SMARCC1: variants seen among roughly 807,000 people sequenced by gnomAD.
SMARCC1 encodes SWI/SNF related BAF chromatin remodeling complex subunit C1, also known as SWI/SNF complex subunit SMARCC1.
SMARCC1 carries 43 observed loss-of-function variants against 147.4 expected under a neutral mutation model. The ratio of observed to expected loss-of-function variants is 0.29; its 90% confidence interval spans 0.23 to 0.38. The LOEUF (loss-of-function observed/expected upper bound fraction) is 0.38, where lower values mean the gene tolerates loss of function less well. Among genes scored for constraint, SMARCC1 ranks in the 10% least tolerant of loss-of-function variants. The pLI is 1.00. For synonymous variants in SMARCC1, 495 were observed against 484.4 expected (o/e 1.02, Z -0.29); for missense variants, 1,119 against 1,381.1 (o/e 0.81, Z 3.01).
intron 2 of SMARCC1, among the ~76,000 whole-genome samples, chr3:47,768,848 TAA>T (rs2106871767): frequency 6.6e-6 from 1 of 152,122 alleles, no homozygotes; most frequent in African/African-American, 2.4e-5. Context: ...GAAGAGAAAA[TAA>T]AAGTTCTTCA....
chr3:47,740,071 T>C (rs1010798269), intron 3 of SMARCC1, among the ~76,000 whole-genome samples: 2 of 150,762 alleles, frequency 1.3e-5, no homozygotes, highest in African/African-American at 2.4e-5. Context: ...GGTTTCACCA[T>C]GTTGGCCAGG....
intron 5 of SMARCC1, among the ~76,000 whole-genome samples, chr3:47,733,912 T>C (rs540222510): frequency 4.0e-5 from 6 of 148,960 alleles, no homozygotes; most frequent in East Asian, 4.0e-4. Flanking sequence ...TATACACACA[T>C]ATGTGCTTGT....
rs915809318 is a variant in SMARCC1 at position 47,720,521 on chromosome 3, A to G, written c.716+145T>C. 1.3e-5 allele frequency: 8 copies of G among 626,234 alleles called. No homozygotes were observed. The African/African-American group carries it at 1.5e-4, about 12-fold the overall frequency. The allele number at this position is 626,234 out of a possible 1,614,324, so 38.8% of individuals were successfully genotyped here. On this transcript the variant is annotated intron_variant, in intron 7 of 27. Coordinates refer to ENST00000254480, the MANE Select transcript of SMARCC1 (RefSeq NM_003074.4). ...TAAATTTTGTACCTTAAATAAGAAAACAGTCAATAAAAGACTCCATAAGTG... is the reference window on the plus strand; with the variant it reads ...TAAATTTTGTACCTTAAATAAGAAAGCAGTCAATAAAAGACTCCATAAGTG...
At chr3:47,684,882 A>G (rs1038464549) in intron 14 of SMARCC1, among the ~76,000 whole-genome samples, 2 of 152,210 alleles carry the variant, frequency 1.3e-5, no homozygotes, top group African/African-American at 4.8e-5. Context: ...TACCTATGAC[A>G]AAGTTTAATT....
intron 21 of SMARCC1, among the ~76,000 whole-genome samples, chr3:47,645,999 G>C (rs572249175): frequency 7.2e-5 from 11 of 152,072 alleles, no homozygotes; most frequent in African/African-American, 1.9e-4. Context: ...GACCTGGCTC[G>C]GACTTTTAAG....
chr3:47,685,479 G>A (rs2033708771), intron 14 of SMARCC1, among the ~76,000 whole-genome samples: 1 of 151,314 alleles, frequency 6.6e-6, no homozygotes, highest in South Asian at 2.1e-4. Flanking sequence ...TTCTAAATGA[G>A]TTAGATTCAA....
chr3:47,719,074 G>A (rs112372248), intron 7 of SMARCC1, among the ~76,000 whole-genome samples: 3 of 151,862 alleles, frequency 2.0e-5, no homozygotes, highest in South Asian at 2.1e-4. Context: ...CACCATGCCC[G>A]GCCAATTTTT....
chr3:47,718,828 T>C (rs1013057654), intron 7 of SMARCC1, among the ~76,000 whole-genome samples: 1 of 152,096 alleles, frequency 6.6e-6, no homozygotes, highest in Non-Finnish European at 1.5e-5. Context: ...TGCTCTACTA[T>C]AGGTTTAGAA....
At chr3:47,757,568 A>G (rs1333043378) in intron 2 of SMARCC1, among the ~76,000 whole-genome samples, 2 of 152,062 alleles carry the variant, frequency 1.3e-5, no homozygotes, top group Non-Finnish European at 2.9e-5. Context: ...TGAGGTCAGG[A>G]GATCGAGACC....
Position 47,662,402 on chromosome 3 carries a change from C to T in SMARCC1, c.2090G>A (p.Ser697Asn). 1.2e-6 allele frequency: 2 copies of T among 1,614,142 alleles called. No individual in the cohort carries two copies. Among genetic ancestry groups the T allele is most frequent in the Non-Finnish European group, 1.7e-6 (2 of 1,180,014 alleles). ...PFSQSGNPVM[S>N]TVAFLASVVD... ...CACAGATGCCAAAAAAGCAACAGTA[C>T]TCATAACTGGATTTCCTGACTGACT... is the stretch of plus-strand genomic sequence containing the variant. The change falls in exon 20 of 28, where the codon AGT becomes AAT. Residue 697 changes from serine (S) to asparagine (N), a missense_variant. Physicochemically the swap from Ser to Asn is conservative, Grantham distance 46. Around this residue, in one of 6 missense-constraint regions of SMARCC1, gnomAD observed 178 missense variants for 264.6 expected, o/e 0.67. Coordinates refer to ENST00000254480, the MANE Select transcript of SMARCC1 (RefSeq NM_003074.4).
At chr3:47,701,686 C>T (rs1398302565) in intron 10 of SMARCC1, 5 of 314,050 alleles carry the variant, frequency 1.6e-5, no homozygotes, top group South Asian at 6.4e-5. Context: ...TGGTGGCAGG[C>T]GCCTGTAATC....
At chr3:47,714,517 C>A in intron 7 of SMARCC1, 27 bp from the exon 8 acceptor site, 1 of 1,119,224 alleles carries the variant, frequency 8.9e-7, no homozygotes, top group Non-Finnish European at 1.3e-6. Context: ...ATGAGAAAAA[C>A]AAATTAGAGT....
In SMARCC1 at chr3:47,701,389, A is replaced by T. The variant is rs1230280389; in HGVS notation, c.1054T>A (p.Tyr352Asn). 1.2e-6 allele frequency: 2 copies of T among 1,613,838 alleles called. No individual in the cohort carries two copies. The highest frequency in any genetic ancestry group is 1.7e-6 in the Non-Finnish European group (2 of 1,179,816). Residue 352 changes from tyrosine to asparagine, a missense_variant, in exon 11 of 28, where the codon TAT becomes AAT. Around this residue, in one of 6 missense-constraint regions of SMARCC1, gnomAD observed 542 missense variants for 611.8 expected, o/e 0.89. Coordinates refer to ENST00000254480, the MANE Select transcript of SMARCC1 (RefSeq NM_003074.4). ...KSGKKGQASL[Y>N]GKRRSQKEED... ...TCTTTCTGACTTCTGCGCTTCCCAT[A>T]AAGGCTAGCTTGGCTAAAACATACA...
At position 47,610,527 on chromosome 3, in the gene SMARCC1, T is replaced by C. The variant is rs1438683835; in HGVS notation, c.2782-200A>G. ...ATTTCCATTTGGACATCTGTTACCA[T>C]GGTCAAAGTCTTCTCCATGTTGAGT... On this transcript the variant is annotated intron_variant, in intron 25 of 27. Transcript: ENST00000254480. 6.5e-6 allele frequency: 4 copies of C among 612,672 alleles called. No homozygotes were observed. The South Asian group carries it at 7.8e-5, about 12-fold the overall frequency. 38.0% of individuals were successfully genotyped at this position (612,672 alleles called of 1,614,324 possible).
intron 2 of SMARCC1, among the ~76,000 whole-genome samples, chr3:47,755,586 C>T (rs932254226): frequency 1.3e-5 from 2 of 151,548 alleles, no homozygotes; most frequent in Non-Finnish European, 2.9e-5. Context: ...AGGCCAGGCA[C>T]GGTGGCTCAT....
intron 22 of SMARCC1, among the ~76,000 whole-genome samples, chr3:47,637,819 T>A (rs1319437056): frequency 6.6e-6 from 1 of 152,148 alleles, no homozygotes; most frequent in Non-Finnish European, 1.5e-5. Context: ...ATTGAGCCAC[T>A]AACACACTGG....
intron 2 of SMARCC1, among the ~76,000 whole-genome samples, chr3:47,761,255 C>T (rs1224371207): frequency 1.3e-5 from 2 of 151,784 alleles, no homozygotes; most frequent in Non-Finnish European, 2.9e-5. Context: ...TGAGCTATGA[C>T]CATACCACTG....
intron 24 of SMARCC1, among the ~76,000 whole-genome samples, chr3:47,634,460 T>C (rs1304862905): frequency 6.6e-6 from 1 of 152,170 alleles, no homozygotes; most frequent in Non-Finnish European, 1.5e-5. Context: ...TATTAAAAGA[T>C]CAAAAACAGT....
At position 47,738,112 on chromosome 3, in the gene SMARCC1, TAAAA is replaced by T; in HGVS notation, c.402-6_402-3del. ...GGGTTCTGTAGGTCAAACCTCCGCC[TAAAA>T]AAAAAGAAAAACCCTAGTTAATTTG... On this transcript the variant is annotated splice_region_variant and splice_polypyrimidine_tract_variant and intron_variant, in intron 3 of 27. Transcript: ENST00000254480. 1 of 1,512,072 alleles carries T rather than the reference TAAAA, an allele frequency of 6.6e-7. No individual in the cohort carries two copies. The highest frequency in any genetic ancestry group is 2.4e-5 in the East Asian group (1 of 41,582). 93.7% of individuals were successfully genotyped at this position (1,512,072 alleles called of 1,614,324 possible).
Sources: gnomAD v4.1 joint callset for allele counts (sites outside exome capture counted in the v4.1 genomes callset) on GRCh38, gnomAD v4.1.1 for gene constraint, gnomAD v4.1.1 regional missense constraint, MANE v1.5 for transcripts, NCBI Gene and HGNC (gene_info 2026-07-23, HGNC 2026-07-21) for gene names.